The following DOCK9 variants were observed in gnomAD, a reference collection of about 807,000 sequenced individuals.
DOCK9 encodes dedicator of cytokinesis 9.
In DOCK9, 89 loss-of-function variants were observed where a neutral mutation model predicts 263.3. The observed-to-expected ratio is 0.34, with a 90% CI of 0.28 to 0.40. The LOEUF is 0.40. Among genes scored for constraint, DOCK9 ranks in the 10% least tolerant of loss-of-function variants. The pLI is 1.00. For synonymous variants in DOCK9, 976 were observed against 973.1 expected (o/e 1.00, Z -0.06); for missense variants, 2,140 against 2,603.4 (o/e 0.82, Z 3.87).
intron 1 of DOCK9, among the ~76,000 whole-genome samples, chr13:98,983,881 T>C (rs576444221): frequency 1.8e-4 from 28 of 152,230 alleles, no homozygotes; most frequent in African/African-American, 6.7e-4. Flanking sequence ...CCTCCCAAAG[T>C]GCTGTGATTA....
chr13:98,979,223 T>TAGTAGTAGTAGC (rs1555439484), upstream of DOCK9, among the ~76,000 whole-genome samples: 3 of 122,808 alleles, frequency 2.4e-5, no homozygotes, highest in Non-Finnish European at 5.3e-5. Context: ...GTAGTAGTAG[T>TAGTAGTAGTAGC]AGTAGTAGCA....
chr13:98,810,323 A>G (rs1444983540), intron 45 of DOCK9, 32 bp from the exon 46 acceptor site: 3 of 1,611,160 alleles, frequency 1.9e-6, no homozygotes, highest in South Asian at 1.1e-5. Context: ...CAGCAAGAGA[A>G]GAGCGTTATG....
chr13:99,017,165 G>A (rs571763386), intron 1 of DOCK9, among the ~76,000 whole-genome samples: 5 of 152,324 alleles, frequency 3.3e-5, no homozygotes, highest in African/African-American at 9.6e-5. Context: ...TCCAAAGGGT[G>A]ATTCTGTGAA....
intron 1 of DOCK9, among the ~76,000 whole-genome samples, chr13:99,014,873 C>A (rs551992931): frequency 1.3e-5 from 2 of 152,336 alleles, no homozygotes; most frequent in East Asian, 3.9e-4. Context: ...TCATGTCAAA[C>A]TGCACTTCCT....
chr13:99,022,090 G>A (rs77005771), intron 1 of DOCK9, among the ~76,000 whole-genome samples: 3,280 of 152,106 alleles, frequency 0.022, 110 homozygotes, highest in African/African-American at 0.075. Flanking sequence ...TCAAAATTTC[G>A]ACTTATTGCA....
chr13:98,985,837 C>A (rs1424700473), intron 1 of DOCK9, among the ~76,000 whole-genome samples: 1 of 152,228 alleles, frequency 6.6e-6, no homozygotes, highest in African/African-American at 2.4e-5. Flanking sequence ...CCCCCTACCC[C>A]ACCCCACGCC....
At chr13:98,936,854 C>T (rs1228641779) in intron 2 of DOCK9, among the ~76,000 whole-genome samples, 1 of 152,142 alleles carries the variant, frequency 6.6e-6, no homozygotes, top group Admixed American at 6.5e-5. Context: ...TTCAGATAAT[C>T]ATCTACTTTA....
intron 1 of DOCK9, among the ~76,000 whole-genome samples, chr13:98,970,080 G>C (rs1180859859): frequency 6.6e-6 from 1 of 152,090 alleles, no homozygotes; most frequent in Non-Finnish European, 1.5e-5. Context: ...CTGTAACCTT[G>C]AATTCCTGGG....
intron 1 of DOCK9, among the ~76,000 whole-genome samples, chr13:99,027,043 G>A (rs9517554): frequency 0.15 from 22,631 of 151,924 alleles, 2,413 homozygotes; most frequent in East Asian, 0.43. Flanking sequence ...TTGTTGAGAC[G>A]GAGTATCACT....
At chr13:98,949,523 T>C (rs1289111137) in intron 2 of DOCK9, among the ~76,000 whole-genome samples, 1 of 152,188 alleles carries the variant, frequency 6.6e-6, no homozygotes, top group Non-Finnish European at 1.5e-5. Context: ...GTAGAAAACA[T>C]TGGAATTTTT....
intron 4 of DOCK9, 119 bp downstream of exon 4, chr13:98,925,718 C>T (rs2052828363): frequency 4.6e-6 from 3 of 646,296 alleles, no homozygotes; most frequent in South Asian, 2.4e-5. Context: ...ACCACATACA[C>T]ATAAACCATC....
At chr13:98,993,466 T>C (rs1297687425) in intron 1 of DOCK9, among the ~76,000 whole-genome samples, 1 of 152,246 alleles carries the variant, frequency 6.6e-6, no homozygotes, top group Non-Finnish European at 1.5e-5. Context: ...AGAGTGTCTA[T>C]TATTTTAGGT....
In DOCK9 at chr13:98,867,360, T is replaced by C. The variant is rs1330025214; in HGVS notation, c.3286+65A>G. Reference sequence around the variant, plus strand: ...TCAAATATCATGTTTGAATCAATTATCTTTTCTTATTGAAAATAAATGTCT... The same window carrying C: ...TCAAATATCATGTTTGAATCAATTACCTTTTCTTATTGAAAATAAATGTCT... On this transcript the variant is annotated intron_variant, in intron 30 of 52. Transcript: ENST00000682017. The C allele has an allele frequency of 5.4e-6, 5 of 925,118 alleles. No individual in the cohort carries two copies. The African/African-American group carries it at 6.8e-5, about 13-fold the overall frequency. 57.3% of individuals were successfully genotyped at this position (925,118 alleles called of 1,614,324 possible). A position where few individuals can be genotyped will look rare whatever the true frequency, so the allele number is the denominator to read the frequency against.
chr13:98,835,021 T>C (rs965126448), intron 39 of DOCK9, among the ~76,000 whole-genome samples: 2 of 152,264 alleles, frequency 1.3e-5, no homozygotes, highest in Admixed American at 6.5e-5. Flanking sequence ...AAATGTGGGA[T>C]AATTCGATCT....
chr13:98,897,491 C>T lies in DOCK9; in HGVS notation c.1706G>A (p.Arg569Gln), dbSNP rs1595094254. 3 of 1,613,524 alleles carry T rather than the reference C, an allele frequency of 1.9e-6. No individual in the cohort carries two copies. The highest frequency in any genetic ancestry group is 1.1e-5 in the South Asian group (1 of 90,922). Residue 569 changes from arginine (R) to glutamine (Q), a missense_variant, in exon 15 of 53, where the codon CGG becomes CAG. Physicochemically the swap from Arg to Gln is conservative, Grantham distance 43. Around this residue, in one of 2 missense-constraint regions of DOCK9, gnomAD observed 1,521 missense variants for 1,741.7 expected, o/e 0.87. Coordinates refer to ENST00000682017, the MANE Select transcript of DOCK9 (RefSeq NM_001366683.2). ...GAAATAAGACCTTGAAACTCACTTC[C>T]GAAAGTCTGCAAGTAACTTGAGCAT... ...DDMLKLLADF[R>Q]KPEKMAKLPV...
intron 23 of DOCK9, 130 bp downstream of exon 23, chr13:98,882,912 A>G (rs2045047108): frequency 1.4e-6 from 1 of 711,900 alleles, no homozygotes; most frequent in Non-Finnish European, 2.4e-6. Flanking sequence ...TCTAAACCTC[A>G]TAGAAGCTAC....
intron 1 of DOCK9, among the ~76,000 whole-genome samples, chr13:99,015,172 G>A (rs2141970861): frequency 6.6e-6 from 1 of 152,226 alleles, no homozygotes; most frequent in Middle Eastern, 3.4e-3. Context: ...ACTATACCAA[G>A]AACATGTAAG....
chr13:98,864,093 T>C (rs78875304), intron 30 of DOCK9, among the ~76,000 whole-genome samples: 4,862 of 152,280 alleles, frequency 0.032, 253 homozygotes, highest in African/African-American at 0.11. Flanking sequence ...CAAATTAATA[T>C]ATAACCTACT....
intron 49 of DOCK9, among the ~76,000 whole-genome samples, chr13:98,802,004 G>A (rs1488237873): frequency 6.6e-6 from 1 of 152,228 alleles, no homozygotes; most frequent in Non-Finnish European, 1.5e-5. Context: ...GATCCACAAA[G>A]CTCCCTGGTA....
Sources: allele counts gnomAD v4.1 joint callset (sites outside exome capture counted in the v4.1 genomes callset), GRCh38; gene constraint gnomAD v4.1.1; regional missense constraint gnomAD v4.1.1; transcripts MANE v1.5; gene names NCBI Gene and HGNC (gene_info 2026-07-23, HGNC 2026-07-21).